Variants in EXOC6B observed in about 807,000 individuals in gnomAD.
The protein encoded by EXOC6B is SEC15 homolog B.
In EXOC6B, 54 loss-of-function variants were observed where a neutral mutation model predicts 113.5. The ratio of observed to expected loss-of-function variants is 0.48; its 90% CI spans 0.38 to 0.60. The LOEUF (loss-of-function observed/expected upper bound fraction) is 0.60. EXOC6B is among the 20% of genes least tolerant of loss of function. The pLI, the probability that EXOC6B is intolerant of heterozygous loss-of-function variation, is 0.00. For synonymous variants in EXOC6B, 357 were observed against 339.0 expected, an observed-to-expected ratio of 1.05 and a Z score of -0.58; for missense variants, 797 against 977.5, an observed-to-expected ratio of 0.82 and a Z score of 2.46.
rs114507159 is a variant in EXOC6B at position 72,658,156 on chromosome 2, A to C, written c.669+59947T>G. ...AAACATCTTCAAAGAACCAATTTAG[A>C]TATGCCCTTGATCTTAAAAGGATCA... On this transcript the variant is annotated intron_variant, in intron 6 of 21. Transcript: ENST00000272427. Among the ~76,000 whole-genome samples, 945 of 151,324 alleles carry C rather than the reference A, an allele frequency of 6.2e-3. 6 individuals are homozygous for C. The highest frequency in any genetic ancestry group is 9.6e-3 in the Non-Finnish European group (650 of 67,714).
intron 20 of EXOC6B, among the ~76,000 whole-genome samples, chr2:72,222,288 G>C (rs1334202907): frequency 6.6e-6 from 1 of 152,160 alleles, no homozygotes; most frequent in Non-Finnish European, 1.5e-5. Context: ...AAGTTCAAAG[G>C]GTTGGCTCTG....
In EXOC6B at chr2:72,800,379, T is replaced by C. The variant is rs562781773; in HGVS notation, c.113+25419A>G. Among the ~76,000 whole-genome samples, 30 of 152,170 alleles carry C rather than the reference T, an allele frequency of 2.0e-4. 1 individual carries two copies. The South Asian group carries it at 6.0e-3, about 31-fold the overall frequency. On this transcript the variant is annotated intron_variant, in intron 1 of 21. Transcript: ENST00000272427. ...TGACCAAAGTGTAAAAAGCCAGAGTTCAAAACTAGGCAGGAGGACTCCAGA... is the reference window on the plus strand; with the variant it reads ...TGACCAAAGTGTAAAAAGCCAGAGTCCAAAACTAGGCAGGAGGACTCCAGA...
At chr2:72,824,293 G>C (rs1354463709) in intron 1 of EXOC6B, among the ~76,000 whole-genome samples, 1 of 152,108 alleles carries the variant, frequency 6.6e-6, no homozygotes, top group East Asian at 1.9e-4. Context: ...GGAGGCTTAG[G>C]TGGGAGGATC....
At position 72,788,614 on chromosome 2, in the gene EXOC6B, C is replaced by T. The variant is rs570420435; in HGVS notation, c.113+37184G>A. ...GTGTTTGAGACCAGCCTGGGCAACA[C>T]AGTGAGACCCCATCTCTACAAAAAA... is the stretch of plus-strand genomic sequence containing the variant. On this transcript the variant is annotated intron_variant, in intron 1 of 21. Transcript: ENST00000272427. Among the ~76,000 whole-genome samples, 3 of 152,114 alleles carry T rather than the reference C, an allele frequency of 2.0e-5. No individual in the cohort carries two copies. The South Asian group carries it at 6.2e-4, about 32-fold the overall frequency.
At chr2:72,339,118 A>T (rs2104898329) in intron 19 of EXOC6B, among the ~76,000 whole-genome samples, 1 of 152,212 alleles carries the variant, frequency 6.6e-6, no homozygotes, top group East Asian at 1.9e-4. Flanking sequence ...TAGAAAGAAA[A>T]GAGGAAAACT....
chr2:72,196,472 T>C lies in EXOC6B; in HGVS notation c.2197-12285A>G, dbSNP rs188689423. On this transcript the variant is annotated intron_variant, in intron 20 of 21. Coordinates refer to ENST00000272427, the MANE Select transcript of EXOC6B (RefSeq NM_015189.3). ...TTAAGATCTTTAGCCCAACTAGATA[T>C]GCATTTAAAATCAATTTTGTTTACT... 1.7e-3 allele frequency among the ~76,000 whole-genome samples: 256 copies of C among 152,292 alleles called. 3 individuals carry two copies. The highest frequency in any genetic ancestry group is 5.2e-3 in the African/African-American group (215 of 41,574).
At chr2:72,284,065 T>G (rs1685281824) in intron 20 of EXOC6B, among the ~76,000 whole-genome samples, 1 of 152,078 alleles carries the variant, frequency 6.6e-6, no homozygotes, top group African/African-American at 2.4e-5. Flanking sequence ...AGGACAAAAT[T>G]ATAGGAATTA....
rs1677936717 is a variant in EXOC6B, at chr2:72,179,319, G to A, written c.*16C>T. 2.5e-6 allele frequency: 4 copies of A among 1,587,684 alleles called. No homozygotes were observed. The highest frequency in any genetic ancestry group is 1.8e-4 in the Middle Eastern group (1 of 5,588). On this transcript the variant is annotated 3_prime_UTR_variant, in exon 22 of 22. Coordinates refer to ENST00000272427, the MANE Select transcript of EXOC6B (RefSeq NM_015189.3). Reference sequence around the variant, plus strand: ...GAGGCTGCAGCAGGTCGCCTCTGTGGGTCCGGGGTCACCCTTCATGAGTGG... The same window carrying A: ...GAGGCTGCAGCAGGTCGCCTCTGTGAGTCCGGGGTCACCCTTCATGAGTGG...
chr2:72,610,227 A>C (rs1670994738), intron 6 of EXOC6B, among the ~76,000 whole-genome samples: 3 of 152,230 alleles, frequency 2.0e-5, no homozygotes, highest in Admixed American at 2.0e-4. Context: ...AGATATAAAA[A>C]ACTAAAAGTA....
At chr2:72,221,144 T>C (rs1262259670) in intron 20 of EXOC6B, among the ~76,000 whole-genome samples, 2 of 152,198 alleles carry the variant, frequency 1.3e-5, no homozygotes, top group African/African-American at 2.4e-5. Context: ...CCCTAGTTAG[T>C]TCCCATTTCT....
At chr2:72,362,108 C>A (rs1296049175) in intron 19 of EXOC6B, among the ~76,000 whole-genome samples, 1 of 152,100 alleles carries the variant, frequency 6.6e-6, no homozygotes, top group Non-Finnish European at 1.5e-5. Flanking sequence ...AGCCCGTGTT[C>A]CCTTTCAAAA....
intron 19 of EXOC6B, among the ~76,000 whole-genome samples, chr2:72,372,358 C>T (rs1691080352): frequency 6.6e-6 from 1 of 151,972 alleles, no homozygotes; most frequent in East Asian, 1.9e-4. Flanking sequence ...CTAGAATGGC[C>T]AAAGCTATCC....
chr2:72,716,908 A>G (rs1679657002), intron 6 of EXOC6B, among the ~76,000 whole-genome samples: 2 of 152,194 alleles, frequency 1.3e-5, no homozygotes, highest in South Asian at 2.1e-4. Context: ...ACACTCTCCT[A>G]TATTTTAAAA....
intron 8 of EXOC6B, among the ~76,000 whole-genome samples, chr2:72,543,752 C>A (rs1702746391): frequency 6.6e-6 from 1 of 152,142 alleles, no homozygotes. Context: ...AAGTATCTCA[C>A]CCTTAGTTTT....
At chr2:72,590,125 T>C (rs1705839457) in intron 6 of EXOC6B, among the ~76,000 whole-genome samples, 1 of 151,962 alleles carries the variant, frequency 6.6e-6, no homozygotes, top group African/African-American at 2.4e-5. Flanking sequence ...ATGTTGTGGA[T>C]AGAAGTCACT....
At chr2:72,415,527 T>G (rs1172594350) in intron 18 of EXOC6B, among the ~76,000 whole-genome samples, 2 of 152,004 alleles carry the variant, frequency 1.3e-5, no homozygotes, top group South Asian at 2.1e-4. Context: ...TTTCTTTTTT[T>G]TTTTTTTGAG....
intron 18 of EXOC6B, among the ~76,000 whole-genome samples, chr2:72,440,299 T>C (rs1358026997): frequency 6.6e-6 from 1 of 152,032 alleles, no homozygotes; most frequent in African/African-American, 2.4e-5. Flanking sequence ...CAGTGAGAAA[T>C]AAAGGCCAGG....
chr2:72,695,016 C>A (rs1268271421), intron 6 of EXOC6B, among the ~76,000 whole-genome samples: 1 of 152,212 alleles, frequency 6.6e-6, no homozygotes, highest in African/African-American at 2.4e-5. Flanking sequence ...AGCCGCTACT[C>A]CACAAGCAAT....
chr2:72,513,616 T>G (rs1701061395), intron 10 of EXOC6B, among the ~76,000 whole-genome samples: 1 of 151,828 alleles, frequency 6.6e-6, no homozygotes, highest in African/African-American at 2.4e-5. Context: ...AAAAACAAAT[T>G]TTAAAGAGAT....
Sources: allele counts gnomAD v4.1 joint callset (sites outside exome capture counted in the v4.1 genomes callset), GRCh38; gene constraint gnomAD v4.1.1; transcripts MANE v1.5; gene names NCBI Gene and HGNC (gene_info 2026-07-23, HGNC 2026-07-21).